The following ZKSCAN5 variants were observed in gnomAD, a reference collection of about 807,000 sequenced individuals.
The protein encoded by ZKSCAN5 is zinc finger with KRAB and SCAN domains 5.
A neutral mutation model predicts 60.0 loss-of-function variants in ZKSCAN5; 28 were observed. That is an observed-to-expected ratio of 0.47 (90% confidence interval 0.35 to 0.64). The LOEUF (loss-of-function observed/expected upper bound fraction) is 0.64. ZKSCAN5 is among the 30% of genes least tolerant of loss of function. ZKSCAN5 has a pLI of 0.01. For missense variants in ZKSCAN5, 881 were observed against 1,034.6 expected, an observed-to-expected ratio of 0.85 and a Z score of 2.04; for synonymous variants, 361 against 371.2, an observed-to-expected ratio of 0.97 and a Z score of 0.31.
intron 2 of ZKSCAN5, among the ~76,000 whole-genome samples, chr7:99,511,934 C>A (rs1052467631): frequency 6.6e-6 from 1 of 152,130 alleles, no homozygotes; most frequent in Non-Finnish European, 1.5e-5. Flanking sequence ...GGACTACAGG[C>A]GCCCACCACC....
At position 99,518,432 on chromosome 7, in the gene ZKSCAN5, AT is replaced by A. The variant is rs200304463; in HGVS notation, c.554-1387del. Among the ~76,000 whole-genome samples, 976 of 151,712 alleles carry A rather than the reference AT, an allele frequency of 6.4e-3. 12 individuals carry two copies. Among genetic ancestry groups the A allele is most frequent in the African/African-American group, 0.021 (868 of 41,372 alleles). The stretch of plus-strand genomic sequence containing the variant: ...CGAGACTCTGTCTCCAAAAAAAAAA[AT>A]TTTTTTTAATTAAATTAAAAAATGA... On this transcript the variant is annotated intron_variant, in intron 3 of 6. Coordinates refer to ENST00000326775, the MANE Select transcript of ZKSCAN5 (RefSeq NM_145102.4).
chr7:99,529,699 C>T (rs973922427), intron 6 of ZKSCAN5, among the ~76,000 whole-genome samples: 9 of 152,176 alleles, frequency 5.9e-5, no homozygotes, highest in Non-Finnish European at 1.0e-4. Flanking sequence ...TAAGCGTTCC[C>T]TTTTCACCAC....
In ZKSCAN5 at chr7:99,534,113, C is replaced by G. The variant is rs1224409426; in HGVS notation, c.*1864C>G. ...ATAAAGATTATGGAATTGGGTGGCT[C>G]TTGCTGAAAGTCACTGAATCCTTGA... On this transcript the variant is annotated 3_prime_UTR_variant, in exon 7 of 7. Coordinates refer to ENST00000326775, the MANE Select transcript of ZKSCAN5 (RefSeq NM_145102.4). The G allele has an allele frequency of 6.5e-6, 1 of 153,078 alleles. No homozygotes were observed. Among genetic ancestry groups the G allele is most frequent in the African/African-American group, 2.4e-5 (1 of 41,488 alleles). The allele number at this position is 153,078 out of a possible 1,614,324, so 9.5% of individuals were successfully genotyped here.
intron 2 of ZKSCAN5, 49 bp from the exon 3 acceptor site, chr7:99,512,404 C>G: frequency 3.2e-6 from 5 of 1,564,042 alleles, no homozygotes; most frequent in Non-Finnish European, 4.3e-6. Context: ...TGATTTCTTT[C>G]GTGGCCTTCT....
At position 99,520,091 on chromosome 7, in the gene ZKSCAN5, C is replaced by T; in HGVS notation, c.637-78C>T. 3 of 1,567,974 alleles carry T rather than the reference C, an allele frequency of 1.9e-6. No individual in the cohort carries two copies. The South Asian group carries it at 3.6e-5, about 19-fold the overall frequency. ...CACAGTTCCTCCCCCTGTTTCTTTT[C>T]TTAATGAGCCCAGTTCTTCCCCTCA... On this transcript the variant is annotated intron_variant, in intron 4 of 6. Coordinates refer to ENST00000326775, the MANE Select transcript of ZKSCAN5 (RefSeq NM_145102.4).
chr7:99,513,496 T>C (rs1801133939), intron 3 of ZKSCAN5, among the ~76,000 whole-genome samples: 1 of 152,070 alleles, frequency 6.6e-6, no homozygotes, highest in Non-Finnish European at 1.5e-5. Flanking sequence ...CAGGTTCAAG[T>C]GATACCTCCA....
At chr7:99,525,156 A>G (rs961643502) in intron 5 of ZKSCAN5, among the ~76,000 whole-genome samples, 8 of 141,964 alleles carry the variant, frequency 5.6e-5, no homozygotes, top group African/African-American at 2.1e-4. Context: ...GCAGAGTGAG[A>G]CTCCGTCTCA....
chr7:99,507,471 GTGTATATATGTGTATATA>G (rs1372328768), intron 2 of ZKSCAN5, among the ~76,000 whole-genome samples: 20 of 139,310 alleles, frequency 1.4e-4, no homozygotes, highest in African/African-American at 4.1e-4. Flanking sequence ...GCGTATATAT[GTGTATATATGTGTATATA>G]TGTATATATG....
Position 99,533,112 on chromosome 7 carries a change from C to A in ZKSCAN5, c.*863C>A. ...AGCTAAACCCATAGAAGGAGTTGGA[C>A]CAAGGCGAATTACGAGTCCTGGTCC... On this transcript the variant is annotated 3_prime_UTR_variant, in exon 7 of 7. Coordinates refer to ENST00000326775, the MANE Select transcript of ZKSCAN5 (RefSeq NM_145102.4). 1 of 401,970 alleles carries A rather than the reference C, an allele frequency of 2.5e-6. No homozygotes were observed. Among genetic ancestry groups the A allele is most frequent in the South Asian group, 1.9e-5 (1 of 52,150 alleles). 24.9% of individuals were successfully genotyped at this position (401,970 alleles called of 1,614,324 possible).
intron 3 of ZKSCAN5, among the ~76,000 whole-genome samples, chr7:99,516,908 G>T (rs1026477857): frequency 3.9e-5 from 6 of 152,170 alleles, no homozygotes; most frequent in Admixed American, 1.3e-4. Context: ...GTGCTGTAAG[G>T]CTTACCTGTG....
Position 99,533,434 on chromosome 7 carries a change from T to C in ZKSCAN5, c.*1185T>C. ...GCTGACTTGCCTGGCTTACAATAAA[T>C]GCCCAATAAATATTTGTTGACCATA... On this transcript the variant is annotated 3_prime_UTR_variant, in exon 7 of 7. Transcript: ENST00000326775. 1.9e-6 allele frequency: 1 copy of C among 532,104 alleles called. No homozygotes were observed. Among genetic ancestry groups the C allele is most frequent in the South Asian group, 2.7e-5 (1 of 37,416 alleles). The allele number at this position is 532,104 out of a possible 1,614,324, so 33.0% of individuals were successfully genotyped here.
intron 6 of ZKSCAN5, among the ~76,000 whole-genome samples, chr7:99,528,908 A>G (rs1562916322): frequency 6.6e-6 from 1 of 152,176 alleles, no homozygotes. Context: ...GAGCATTCCC[A>G]AAGGAGAAGG....
At position 99,526,410 on chromosome 7, in the gene ZKSCAN5, C is replaced by G. The variant is rs1467520990; in HGVS notation, c.1370C>G (p.Ser457Cys). The stretch of plus-strand genomic sequence containing the variant: ...CTAAAACGCCACTTCAGGGAGAAAT[C>G]CCAGAGATGTACGTGTGAGGAGTTT... ...EHLKRHFREK[S>C]QRCSDKRSKN... Residue 457 changes from serine to cysteine, a missense_variant, in exon 6 of 7, where the codon TCC becomes TGC. Ser to Cys is a moderately radical substitution (Grantham distance 112). This residue lies in a region of ZKSCAN5 where 490 missense variants were observed against 554.5 expected (regional missense o/e 0.88). Coordinates refer to ENST00000326775, the MANE Select transcript of ZKSCAN5 (RefSeq NM_145102.4). 6.3e-7 allele frequency: 1 copy of G among 1,598,706 alleles called. No individual in the cohort carries two copies. The highest frequency in any genetic ancestry group is 1.1e-5 in the South Asian group (1 of 90,924).
In ZKSCAN5 at chr7:99,526,342, G is replaced by A; in HGVS notation, c.1302G>A (p.Glu434=). 3.1e-6 allele frequency: 5 copies of A among 1,608,514 alleles called. No homozygotes were observed. The highest frequency in any genetic ancestry group is 4.2e-6 in the Non-Finnish European group (5 of 1,180,008). The stretch of plus-strand genomic sequence containing the variant: ...GAGAGAGGCCCTATGGCTGCAATGA[G>A]TGTGGGAAGAACTTCGGTCGCCATT... ...HSGERPYGCN[E]CGKNFGRHSH... is the part of the protein sequence containing the mutation. Residue 434 remains glutamate (E), a synonymous_variant, in exon 6 of 7, where the codon GAG becomes GAA. Transcript: ENST00000326775.
At chr7:99,514,191 A>C (rs1317170244) in intron 3 of ZKSCAN5, among the ~76,000 whole-genome samples, 1 of 152,202 alleles carries the variant, frequency 6.6e-6, no homozygotes, top group African/African-American at 2.4e-5. Context: ...ACAAGATAAG[A>C]ATGCCATTTC....
chr7:99,531,254 A>G lies in ZKSCAN5; in HGVS notation c.1525A>G (p.Lys509Glu). 6.2e-7 allele frequency: 1 copy of G among 1,614,214 alleles called. No individual in the cohort carries two copies. The highest frequency in any genetic ancestry group is 8.5e-7 in the Non-Finnish European group (1 of 1,180,038). Residue 509 changes from lysine (K) to glutamate (E), a missense_variant, in exon 7 of 7, where the codon AAG (lysine) becomes GAG (glutamate). By Grantham distance (56) the Lys-to-Glu change is moderately conservative. Transcript: ENST00000326775. ...DFGEGCEFQGKLDRKQGIPMK... is the reference protein window; with the variant it reads ...DFGEGCEFQGELDRKQGIPMK... ...TGGAGAAGGCTGTGAGTTTCAAGGCAAGCTGGATAGAAAGCAGGGAATTCC... is the reference window on the plus strand; with the variant it reads ...TGGAGAAGGCTGTGAGTTTCAAGGCGAGCTGGATAGAAAGCAGGGAATTCC...
At chr7:99,530,604 T>C (rs771889990) in intron 6 of ZKSCAN5, among the ~76,000 whole-genome samples, 16 of 152,212 alleles carry the variant, frequency 1.1e-4, no homozygotes, top group Non-Finnish European at 1.6e-4. Flanking sequence ...TCTGCCATCC[T>C]GTGGATGAGT....
intron 2 of ZKSCAN5, among the ~76,000 whole-genome samples, chr7:99,512,027 A>C (rs1362662506): frequency 6.6e-6 from 1 of 152,060 alleles, no homozygotes; most frequent in Non-Finnish European, 1.5e-5. Context: ...CTTCTGACCT[A>C]GTGATCCACC....
chr7:99,506,541 C>T, intron 2 of ZKSCAN5, 83 bp downstream of exon 2: 8 of 1,451,064 alleles, frequency 5.5e-6, no homozygotes, highest in Non-Finnish European at 7.3e-6. Flanking sequence ...TAGTCCTCTG[C>T]TGCTTCATTC....
Sources: gnomAD v4.1 joint callset for allele counts (sites outside exome capture counted in the v4.1 genomes callset) on GRCh38, gnomAD v4.1.1 for gene constraint, gnomAD v4.1.1 regional missense constraint, MANE v1.5 for transcripts, NCBI Gene and HGNC (gene_info 2026-07-23, HGNC 2026-07-21) for gene names.